DLGAP2: variants seen among roughly 807,000 people sequenced by gnomAD.
DLGAP2 encodes the protein disks large-associated protein 2.
In DLGAP2, 26 loss-of-function variants were observed where a neutral mutation model predicts 100.3. That is an observed-to-expected ratio of 0.26 (90% CI 0.19 to 0.36). DLGAP2 has a LOEUF of 0.36. Ranked by LOEUF, DLGAP2 falls within the 10% of genes least tolerant of loss-of-function variation. The probability of loss-of-function intolerance (pLI) is 1.00; values close to 1 mark genes in which losing one functional copy is unlikely to be tolerated. For missense variants in DLGAP2, 1,858 were observed against 1,453.2 expected (o/e 1.28, Z -4.53); for synonymous variants, 886 against 630.1 (o/e 1.41, Z -6.08).
At chr8:892,129 G>A (rs1034713858) in intron 1 of DLGAP2, among the ~76,000 whole-genome samples, 3 of 152,172 alleles carry the variant, frequency 2.0e-5, no homozygotes, top group African/African-American at 4.8e-5. Context: ...CAGATGCTGT[G>A]GAAAATGGTG....
At chr8:1,679,544 G>A (rs1798893989) in intron 12 of DLGAP2, among the ~76,000 whole-genome samples, 1 of 152,204 alleles carries the variant, frequency 6.6e-6, no homozygotes, top group Non-Finnish European at 1.5e-5. Context: ...GGAATGGGAG[G>A]GCCGTGTCAT....
intron 3 of DLGAP2, among the ~76,000 whole-genome samples, chr8:1,462,750 C>G (rs1798497050): frequency 6.6e-6 from 1 of 152,198 alleles, no homozygotes; most frequent in African/African-American, 2.4e-5. Context: ...GCCACGTCCC[C>G]CCGCAGAGGC....
At chr8:1,652,097 T>G (rs77656013) in intron 8 of DLGAP2, among the ~76,000 whole-genome samples, 2 of 152,338 alleles carry the variant, frequency 1.3e-5, no homozygotes, top group East Asian at 3.9e-4. Flanking sequence ...GGTGTAGAAT[T>G]AAGAGATATT....
intron 13 of DLGAP2, among the ~76,000 whole-genome samples, chr8:1,695,042 G>A (rs1036505340): frequency 1.3e-5 from 2 of 152,170 alleles, no homozygotes; most frequent in Non-Finnish European, 2.9e-5. Flanking sequence ...CCGAGGAGAG[G>A]AGGGGGGCAC....
intron 3 of DLGAP2, among the ~76,000 whole-genome samples, chr8:1,349,284 G>A (rs1257421396): frequency 1.4e-5 from 2 of 144,304 alleles, no homozygotes; most frequent in East Asian, 2.1e-4. Flanking sequence ...GCCTCCCGCC[G>A]ACATCCACAC....
chr8:951,268 G>T (rs1799472687), intron 2 of DLGAP2, among the ~76,000 whole-genome samples: 1 of 152,094 alleles, frequency 6.6e-6, no homozygotes, highest in Non-Finnish European at 1.5e-5. Context: ...TCACACATTG[G>T]ATAAATGTAT....
At chr8:819,271 C>G (rs1796542067) in intron 1 of DLGAP2, among the ~76,000 whole-genome samples, 1 of 152,036 alleles carries the variant, frequency 6.6e-6, no homozygotes, top group South Asian at 2.1e-4. Flanking sequence ...TTAAAAAACC[C>G]CTCATGACTA....
At chr8:1,359,078 C>G (rs1563103971) in intron 3 of DLGAP2, among the ~76,000 whole-genome samples, 1 of 152,194 alleles carries the variant, frequency 6.6e-6, no homozygotes, top group Non-Finnish European at 1.5e-5. Context: ...TTCTGCATTT[C>G]TAGCAAATTC....
chr8:1,188,012 C>T (rs921831106), intron 2 of DLGAP2, among the ~76,000 whole-genome samples: 18 of 126,290 alleles, frequency 1.4e-4, no homozygotes, highest in Non-Finnish European at 1.7e-4. Context: ...CACGGAATCT[C>T]ACACGCCCGG....
At chr8:836,815 T>C (rs1342231394) in intron 1 of DLGAP2, among the ~76,000 whole-genome samples, 1 of 152,160 alleles carries the variant, frequency 6.6e-6, no homozygotes, top group Non-Finnish European at 1.5e-5. Context: ...ATCTTTTGTT[T>C]CCCTCATCAC....
At chr8:1,380,806 C>T (rs758592371) in intron 3 of DLGAP2, among the ~76,000 whole-genome samples, 2 of 151,656 alleles carry the variant, frequency 1.3e-5, no homozygotes, top group African/African-American at 2.4e-5. Context: ...ACTCACAATA[C>T]CTTATCTTAT....
chr8:1,452,585 G>A (rs1798193483), intron 3 of DLGAP2, among the ~76,000 whole-genome samples: 1 of 152,224 alleles, frequency 6.6e-6, no homozygotes, highest in Admixed American at 6.5e-5. Context: ...CAGGCAAAGG[G>A]TGGAGGCAGG....
At chr8:765,534 C>T (rs1473482327) in intron 1 of DLGAP2, among the ~76,000 whole-genome samples, 2 of 152,144 alleles carry the variant, frequency 1.3e-5, no homozygotes, top group Non-Finnish European at 2.9e-5. Context: ...CATTGGAATA[C>T]AGCAGCCCTT....
chr8:1,020,117 T>A (rs1801586788), intron 2 of DLGAP2, among the ~76,000 whole-genome samples: 1 of 152,236 alleles, frequency 6.6e-6, no homozygotes, highest in Non-Finnish European at 1.5e-5. Flanking sequence ...ATAAAATAAA[T>A]CATACAATTA....
chr8:1,130,085 GTGT>G, intron 2 of DLGAP2, among the ~76,000 whole-genome samples: 2 of 1,778 alleles, frequency 1.1e-3, no homozygotes, highest in East Asian at 0.011. Context: ...TTAAGGGATC[GTGT>G]CAGACACTTC....
chr8:1,350,938 C>T (rs1375059715), intron 3 of DLGAP2, among the ~76,000 whole-genome samples: 6 of 123,242 alleles, frequency 4.9e-5, no homozygotes, highest in African/African-American at 1.3e-4. Context: ...AAAGGCCGTG[C>T]GGGTCCTGAG....
chr8:1,617,581 T>C (rs1797197617), intron 6 of DLGAP2, among the ~76,000 whole-genome samples: 1 of 152,232 alleles, frequency 6.6e-6, no homozygotes, highest in African/African-American at 2.4e-5. Flanking sequence ...CTTGCAAATT[T>C]GTTTAAGTTC....
At chr8:742,203 T>A (rs1343701092) in intron 1 of DLGAP2, among the ~76,000 whole-genome samples, 3 of 152,216 alleles carry the variant, frequency 2.0e-5, no homozygotes, top group Non-Finnish European at 4.4e-5. Flanking sequence ...TTATTCATCT[T>A]CGGGTACTGT....
At chr8:1,366,858 CTAA>C (rs1401275515) in intron 3 of DLGAP2, among the ~76,000 whole-genome samples, 1 of 152,166 alleles carries the variant, frequency 6.6e-6, no homozygotes, top group Non-Finnish European at 1.5e-5. Context: ...GCAAGAAATG[CTAA>C]TAACAGTGTT....
Sources: allele counts gnomAD v4.1 joint callset (sites outside exome capture counted in the v4.1 genomes callset), GRCh38; gene constraint gnomAD v4.1.1; transcripts MANE v1.5; gene names NCBI Gene and HGNC (gene_info 2026-07-23, HGNC 2026-07-21).